The following QSOX1 variants were observed in gnomAD, a reference collection of about 807,000 sequenced individuals.
The protein encoded by QSOX1 is sulfhydryl oxidase 1.
In QSOX1, 40 loss-of-function variants were observed where a neutral mutation model predicts 76.1. The ratio of observed to expected loss-of-function variants is 0.53; its 90% CI spans 0.41 to 0.68. QSOX1 has a LOEUF of 0.68. Ranked by LOEUF, QSOX1 falls within the 30% of genes least tolerant of loss-of-function variation. The probability of loss-of-function intolerance (pLI) is 0.00; values close to 1 mark genes in which losing one functional copy is unlikely to be tolerated. For synonymous variants in QSOX1, 392 were observed against 413.1 expected, an observed-to-expected ratio of 0.95 and a Z score of 0.62; for missense variants, 931 against 974.3, an observed-to-expected ratio of 0.96 and a Z score of 0.59.
At chr1:180,195,676 C>T (rs1378507462) in intron 11 of QSOX1, among the ~76,000 whole-genome samples, 2 of 152,138 alleles carry the variant, frequency 1.3e-5, no homozygotes, top group Admixed American at 6.5e-5. Context: ...GGTCTCCCCC[C>T]AACTATCCCT....
At chr1:180,180,187 A>G (rs1403684452) in intron 5 of QSOX1, among the ~76,000 whole-genome samples, 5 of 152,238 alleles carry the variant, frequency 3.3e-5, no homozygotes, top group African/African-American at 9.6e-5. Flanking sequence ...TCCAGCTACA[A>G]GATAGGAGCT....
At chr1:180,172,554 C>T (rs1662787156) in intron 2 of QSOX1, among the ~76,000 whole-genome samples, 1 of 152,170 alleles carries the variant, frequency 6.6e-6, no homozygotes, top group South Asian at 2.1e-4. Context: ...GAGTCTCTCT[C>T]TGTCGCCCAG....
Position 180,194,398 on chromosome 1 carries a change from G to C in QSOX1, c.1468+6G>C. 6.5e-7 allele frequency: 1 copy of C among 1,534,096 alleles called. No homozygotes were observed. The highest frequency in any genetic ancestry group is 1.2e-5 in the South Asian group (1 of 80,394). On this transcript the variant is annotated splice_donor_region_variant and intron_variant, in intron 11 of 11. Coordinates refer to ENST00000367602, the MANE Select transcript of QSOX1 (RefSeq NM_002826.5). ...GGTCAATGCTCGCCTTGCAGGTAAG[G>C]AAGGACCATCCCCAAGGCTGGAGTC... is the stretch of plus-strand genomic sequence containing the variant.
rs374286271 is a variant in QSOX1 at position 180,197,971 on chromosome 1, C to G, written c.*934C>G. 8 of 356,040 alleles carry G rather than the reference C, an allele frequency of 2.2e-5. No individual in the cohort carries two copies. The East Asian group carries it at 6.0e-4, about 27-fold the overall frequency. The allele number at this position is 356,040 out of a possible 1,614,324, so 22.1% of individuals were successfully genotyped here. A position where few individuals can be genotyped will look rare whatever the true frequency, so the allele number is the denominator to read the frequency against. ...TGGCGGGGGCAGTGCCTTACACATG[C>G]TTGATTCCCACGCTACCCCCTGCCT... On this transcript the variant is annotated 3_prime_UTR_variant, in exon 12 of 12. Transcript: ENST00000367602.
At chr1:180,175,870 G>C in intron 3 of QSOX1, 61 bp from the exon 4 acceptor site, 1 of 1,335,800 alleles carries the variant, frequency 7.5e-7, no homozygotes, top group Admixed American at 2.0e-5. Flanking sequence ...AAGGTGGCCA[G>C]TGTGCTGTGG....
Position 180,154,964 on chromosome 1 carries a change from G to A in QSOX1, c.57G>A (p.Leu19=), listed in dbSNP as rs1662337829. ...GPPPSLLLLL[L]WLLAVPGANA... Reference sequence around the variant, plus strand: ...CGCCGTCGCTGCTGCTGCTGCTGCTGTGGCTGCTCGCGGTTCCCGGCGCTA... The same window carrying A: ...CGCCGTCGCTGCTGCTGCTGCTGCTATGGCTGCTCGCGGTTCCCGGCGCTA... The change falls in exon 1 of 12, where the codon CTG becomes CTA. Residue 19 remains leucine (L), a synonymous_variant. Coordinates refer to ENST00000367602, the MANE Select transcript of QSOX1 (RefSeq NM_002826.5). 1.3e-6 allele frequency: 2 copies of A among 1,505,004 alleles called. No individual in the cohort carries two copies. Among genetic ancestry groups the A allele is most frequent in the Admixed American group, 2.1e-5 (1 of 47,982 alleles). 93.2% of individuals were successfully genotyped at this position (1,505,004 alleles called of 1,614,324 possible). A position where few individuals can be genotyped will look rare whatever the true frequency, so the allele number is the denominator to read the frequency against.
At chr1:180,158,776 G>A (rs974882180) in intron 1 of QSOX1, among the ~76,000 whole-genome samples, 2 of 152,136 alleles carry the variant, frequency 1.3e-5, no homozygotes, top group Non-Finnish European at 2.9e-5. Flanking sequence ...CTGTGCCTCT[G>A]TCTTCATGGA....
At chr1:180,189,377 T>A (rs1202221440) in intron 8 of QSOX1, among the ~76,000 whole-genome samples, 175 bp from the exon 9 acceptor site, 1 of 152,132 alleles carries the variant, frequency 6.6e-6, no homozygotes, top group Non-Finnish European at 1.5e-5. Context: ...GAAGTCATAT[T>A]TGTGTCTTAG....
At position 180,196,429 on chromosome 1, in the gene QSOX1, G is replaced by A. The variant is rs2149244035; in HGVS notation, c.1636G>A (p.Ala546Thr). The A allele has an allele frequency of 6.2e-7, 1 of 1,614,186 alleles. No homozygotes were observed. Among genetic ancestry groups the A allele is most frequent in the South Asian group, 1.1e-5 (1 of 91,086 alleles). ...SPSNIILDFP[A>T]AGSAARRDVQ... ...AAGCAACATCATCCTGGACTTCCCT[G>A]CAGCTGGGTCAGCTGCCCGGAGGGA... Residue 546 changes from alanine to threonine, a missense_variant, in exon 12 of 12, where the codon GCA becomes ACA. By Grantham distance (58) the Ala-to-Thr change is moderately conservative. Coordinates refer to ENST00000367602, the MANE Select transcript of QSOX1 (RefSeq NM_002826.5). The surrounding 1 kb of genome is among the most constrained non-coding windows in gnomAD (Gnocchi z 4.1).
At chr1:180,188,534 C>T (rs1049597364) in intron 8 of QSOX1, among the ~76,000 whole-genome samples, 5 of 152,234 alleles carry the variant, frequency 3.3e-5, no homozygotes, top group African/African-American at 7.2e-5. Flanking sequence ...TGTGTGAGTT[C>T]CAGAGGCCCG....
intron 1 of QSOX1, among the ~76,000 whole-genome samples, chr1:180,158,898 C>G (rs1662429843): frequency 6.6e-6 from 1 of 152,224 alleles, no homozygotes; most frequent in Admixed American, 6.5e-5. Flanking sequence ...ATCATTCATC[C>G]TGGCCCTCGC....
chr1:180,173,211 C>T (rs1381453765), intron 2 of QSOX1, among the ~76,000 whole-genome samples: 3 of 151,998 alleles, frequency 2.0e-5, no homozygotes, highest in East Asian at 1.9e-4. Context: ...ATCCTCCCTC[C>T]TAGGTCTCCC....
intron 8 of QSOX1, among the ~76,000 whole-genome samples, chr1:180,189,097 C>T (rs1663243769): frequency 6.6e-6 from 1 of 152,230 alleles, no homozygotes; most frequent in Admixed American, 6.5e-5. Flanking sequence ...CTCGTGCCCA[C>T]CTAACCCAGC....
chr1:180,172,369 C>T (rs1241530863), intron 2 of QSOX1, among the ~76,000 whole-genome samples: 2 of 152,096 alleles, frequency 1.3e-5, no homozygotes, highest in Admixed American at 6.6e-5. Context: ...AAGGGAACAG[C>T]TGAGGTGCAG....
At position 180,182,320 on chromosome 1, in the gene QSOX1, G is replaced by A; in HGVS notation, c.752+1G>A. The A allele has an allele frequency of 1.2e-6, 2 of 1,614,188 alleles. No homozygotes were observed. The highest frequency in any genetic ancestry group is 1.7e-6 in the Non-Finnish European group (2 of 1,180,008). ...ATGGCTCTGTCTCCCGAGTCCCCGT[G>A]TGAGTATCCTGTCTCCTGGCGTCCC... On this transcript the variant is annotated splice_donor_variant, in intron 6 of 11. Transcript: ENST00000367602. LOFTEE classifies it high-confidence loss of function.
In QSOX1 at chr1:180,189,412, G is replaced by C. The variant is rs562541827; in HGVS notation, c.1018-140G>C. On this transcript the variant is annotated intron_variant, in intron 8 of 11. Coordinates refer to ENST00000367602, the MANE Select transcript of QSOX1 (RefSeq NM_002826.5). ...GTTAGAATGTTTTCCTGGTGGTTTT[G>C]GAACTTTGCACAACCTCCTCCCCAC... 6 of 829,766 alleles carry C rather than the reference G, an allele frequency of 7.2e-6. No homozygotes were observed. In the East Asian group the frequency reaches 8.1e-5, roughly 11 times the overall value. The allele number at this position is 829,766 out of a possible 1,614,324, so 51.4% of individuals were successfully genotyped here.
At chr1:180,164,318 G>A (rs1157494767) in intron 1 of QSOX1, among the ~76,000 whole-genome samples, 1 of 152,206 alleles carries the variant, frequency 6.6e-6, no homozygotes, top group Non-Finnish European at 1.5e-5. Context: ...TGTTGAGGAG[G>A]TTGGGGAAAT....
intron 11 of QSOX1, 90 bp downstream of exon 11, chr1:180,194,482 G>A (rs1663409764): frequency 6.1e-6 from 8 of 1,319,062 alleles, no homozygotes; most frequent in Non-Finnish European, 8.3e-6. Context: ...ATTTGGGGAA[G>A]GGACACTCAT....
In QSOX1 at chr1:180,199,215, C is replaced by G. The variant is rs1287507964; in HGVS notation, c.*2178C>G. 2 of 152,250 alleles carry G rather than the reference C, an allele frequency of 1.3e-5. No individual in the cohort carries two copies. The highest frequency in any genetic ancestry group is 2.4e-5 in the African/African-American group (1 of 41,460). 9.4% of individuals were successfully genotyped at this position (152,250 alleles called of 1,614,324 possible). On this transcript the variant is annotated 3_prime_UTR_variant, in exon 12 of 12. Coordinates refer to ENST00000367602, the MANE Select transcript of QSOX1 (RefSeq NM_002826.5). ...GCCTTTCACCTTGATTTCCCCAGGG[C>G]TCTCGGCAACATCGATAAACCAGCC...
Sources: allele counts gnomAD v4.1 joint callset (sites outside exome capture counted in the v4.1 genomes callset), GRCh38; gene constraint gnomAD v4.1.1; non-coding constraint Gnocchi (gnomAD v3.1); transcripts MANE v1.5; gene names NCBI Gene and HGNC (gene_info 2026-07-23, HGNC 2026-07-21).